IGFL2: variants seen among roughly 807,000 people sequenced by gnomAD.
The protein encoded by IGFL2 is IGF like family member 2.
Under a neutral mutation model 13.9 loss-of-function variants are expected in IGFL2, and 7 were observed. The observed-to-expected ratio is 0.51, with a 90% confidence interval of 0.29 to 0.95. The LOEUF is 0.95. Among genes scored for constraint, IGFL2 ranks in the 40% least tolerant of loss-of-function variants. The probability of loss-of-function intolerance (pLI) is 0.08; values close to 1 mark genes in which losing one functional copy is unlikely to be tolerated. For missense variants in IGFL2, 138 were observed against 147.8 expected (o/e 0.93, Z 0.34); for synonymous variants, 55 against 55.8 (o/e 0.99, Z 0.07).
chr19:46,091,865 C>T, the IGFL2 span, among the ~76,000 whole-genome samples: 1 of 152,106 alleles, frequency 6.6e-6, no homozygotes, highest in Non-Finnish European at 1.5e-5. Context: ...ACTCAAACAG[C>T]ATGATAAATT....
At chr19:46,212,991 C>G in the IGFL2 span, 1 of 152,312 alleles carries the variant, frequency 6.6e-6, no homozygotes, top group South Asian at 2.1e-4. Context: ...TCTCTCCCAC[C>G]CGAATGCCAT....
At chr19:46,124,475 G>A in the IGFL2 span, 3 of 1,140,114 alleles carry the variant, frequency 2.6e-6, no homozygotes, top group Non-Finnish European at 3.9e-6. Flanking sequence ...GGCAGGCCCT[G>A]AGCAGCACGC....
At chr19:46,110,393 T>C in the IGFL2 span, among the ~76,000 whole-genome samples, 2 of 152,220 alleles carry the variant, frequency 1.3e-5, no homozygotes, top group Admixed American at 6.5e-5. Context: ...ACTCACTGCC[T>C]TTTTTGGCTG....
chr19:46,172,729 T>A, the IGFL2 span, among the ~76,000 whole-genome samples: 77,340 of 151,568 alleles, frequency 0.51, 20,312 homozygotes, highest in Middle Eastern at 0.61. Flanking sequence ...ATATATATAT[T>A]TTTTTTCAGA....
downstream of IGFL2, chr19:46,164,570 G>A (rs185619085): frequency 3.3e-5 from 5 of 152,352 alleles, no homozygotes; most frequent in African/African-American, 1.2e-4. Flanking sequence ...GAAGCACTTG[G>A]TACATACCAT....
At chr19:46,120,259 GTAGTC>G in the IGFL2 span, 173 of 1,602,468 alleles carry the variant, frequency 1.1e-4, 3 homozygotes, top group Non-Finnish European at 1.4e-4. Flanking sequence ...AAGTTCAACT[GTAGTC>G]TCCGATGTCC....
the IGFL2 span, among the ~76,000 whole-genome samples, chr19:46,102,297 GAGTC>G: frequency 3.9e-5 from 6 of 152,226 alleles, no homozygotes; most frequent in African/African-American, 1.4e-4. Flanking sequence ...TCCGAAAAGA[GAGTC>G]AGCAAAGGGT....
At chr19:46,084,399 C>T in the IGFL2 span, among the ~76,000 whole-genome samples, 3 of 152,152 alleles carry the variant, frequency 2.0e-5, no homozygotes, top group Non-Finnish European at 4.4e-5. Flanking sequence ...GTGTTGAAGT[C>T]CCCTACTATT....
At chr19:46,194,864 T>A in the IGFL2 span, among the ~76,000 whole-genome samples, 6,338 of 106,868 alleles carry the variant, frequency 0.059, 146 homozygotes, top group Non-Finnish European at 0.088. Flanking sequence ...TTTTTTTTTT[T>A]TTTTTTTTTT....
the IGFL2 span, among the ~76,000 whole-genome samples, chr19:46,121,572 A>AAGG: frequency 0.014 from 2,035 of 150,694 alleles, 62 homozygotes; most frequent in Middle Eastern, 0.031. Flanking sequence ...AGACAAAGAC[A>AAGG]AGAAGAGAGG....
chr19:46,167,852 C>G, the IGFL2 span, among the ~76,000 whole-genome samples: 2 of 152,346 alleles, frequency 1.3e-5, no homozygotes, highest in African/African-American at 4.8e-5. Context: ...GGGCGGCTGT[C>G]TGCAGGCCAG....
chr19:46,187,218 G>A, the IGFL2 span, among the ~76,000 whole-genome samples: 1 of 151,234 alleles, frequency 6.6e-6, no homozygotes, highest in Admixed American at 6.6e-5. Context: ...GAGATGGTGA[G>A]CATTAACCCG....
chr19:46,156,372 T>C (rs1219101642), intron 1 of IGFL2, among the ~76,000 whole-genome samples: 1 of 152,172 alleles, frequency 6.6e-6, no homozygotes, highest in Non-Finnish European at 1.5e-5. Flanking sequence ...TTTGATATCA[T>C]TGTAAATGGT....
intron 1 of IGFL2, among the ~76,000 whole-genome samples, chr19:46,155,563 G>A (rs1163508099): frequency 6.6e-6 from 1 of 152,162 alleles, no homozygotes; most frequent in Non-Finnish European, 1.5e-5. Context: ...TCAGTTAAAT[G>A]GTTGTTTTGC....
the IGFL2 span, among the ~76,000 whole-genome samples, chr19:46,184,192 A>G: frequency 6.6e-6 from 1 of 152,154 alleles, no homozygotes; most frequent in Admixed American, 6.5e-5. Flanking sequence ...CACAAAATGC[A>G]TGGTGTCTAC....
the IGFL2 span, among the ~76,000 whole-genome samples, chr19:46,176,661 A>T: frequency 4.6e-5 from 7 of 152,112 alleles, no homozygotes. Context: ...CCAGGGATCT[A>T]CACATGTGGG....
At chr19:46,139,465 A>T (rs939367295), upstream of IGFL2, among the ~76,000 whole-genome samples, 3 of 152,102 alleles carry the variant, frequency 2.0e-5, no homozygotes, top group Admixed American at 1.3e-4. Context: ...CAGAAATGTT[A>T]AAAATTAGTA....
the IGFL2 span, chr19:46,137,151 C>G: frequency 4.4e-6 from 7 of 1,609,160 alleles, no homozygotes; most frequent in East Asian, 1.3e-4. Context: ...GGGGTCTCCT[C>G]TAGAGCTGGC....
chr19:46,157,024 G>C (rs1182118600), intron 1 of IGFL2, among the ~76,000 whole-genome samples: 1 of 152,086 alleles, frequency 6.6e-6, no homozygotes, highest in African/African-American at 2.4e-5. Context: ...TGACAACTTA[G>C]ATGAAATGGA....
Sources: allele counts gnomAD v4.1 joint callset (sites outside exome capture counted in the v4.1 genomes callset), GRCh38; gene constraint gnomAD v4.1.1; transcripts MANE v1.5; gene names NCBI Gene and HGNC (gene_info 2026-07-23, HGNC 2026-07-21).